The following PRKN variants were observed in gnomAD, a reference collection of about 807,000 sequenced individuals.
PRKN encodes parkin RBR E3 ubiquitin protein ligase, also known as E3 ubiquitin-protein ligase parkin.
PRKN carries 56 observed loss-of-function variants against 59.5 expected under a neutral mutation model. The ratio of observed to expected loss-of-function variants is 0.94; its 90% CI spans 0.76 to 1.18. PRKN has a LOEUF of 1.18. Ranked by LOEUF, PRKN falls within the 50% of genes most tolerant of loss-of-function variation. The probability of loss-of-function intolerance (pLI) is 0.00; values close to 1 mark genes in which losing one functional copy is unlikely to be tolerated. For missense variants in PRKN, 657 were observed against 596.4 expected (o/e 1.10, Z -1.06); for synonymous variants, 250 against 222.1 (o/e 1.13, Z -1.12).
At chr6:162,376,778 AG>A (rs1351968150) in intron 2 of PRKN, among the ~76,000 whole-genome samples, 9 of 57,278 alleles carry the variant, frequency 1.6e-4, no homozygotes, top group Non-Finnish European at 2.7e-4. Context: ...AGGGAGGGGG[AG>A]GGGGAGGGGA....
intron 2 of PRKN, among the ~76,000 whole-genome samples, chr6:162,299,641 A>G (rs1194978295): frequency 6.6e-6 from 1 of 151,358 alleles, no homozygotes; most frequent in African/African-American, 2.4e-5. Context: ...CTTTATATAT[A>G]TATGTATTTA....
intron 5 of PRKN, among the ~76,000 whole-genome samples, chr6:161,985,693 G>C (rs546423693): frequency 1.3e-5 from 2 of 152,240 alleles, no homozygotes; most frequent in African/African-American, 4.8e-5. Flanking sequence ...TCACTGTCTG[G>C]GTTAATTATC....
intron 1 of PRKN, among the ~76,000 whole-genome samples, chr6:162,639,045 G>A (rs2078873652): frequency 6.6e-6 from 1 of 152,064 alleles, no homozygotes; most frequent in African/African-American, 2.4e-5. Flanking sequence ...CACTATACGA[G>A]CTAGGTCAAG....
At chr6:161,513,263 T>TG (rs948351544) in intron 9 of PRKN, among the ~76,000 whole-genome samples, 15 of 152,160 alleles carry the variant, frequency 9.9e-5, no homozygotes, top group Admixed American at 2.0e-4. Context: ...TTTTTTGAGA[T>TG]GGGGTCTCGC....
chr6:162,307,527 G>A (rs1051532710), intron 2 of PRKN, among the ~76,000 whole-genome samples: 2 of 151,860 alleles, frequency 1.3e-5, no homozygotes, highest in African/African-American at 4.8e-5. Flanking sequence ...AAATGAAACT[G>A]GAAGTGGAAA....
chr6:161,558,096 T>C (rs1029026602), intron 8 of PRKN, among the ~76,000 whole-genome samples: 1 of 152,172 alleles, frequency 6.6e-6, no homozygotes, highest in African/African-American at 2.4e-5. Flanking sequence ...GTTAATTCTC[T>C]GTCCACTCTG....
intron 4 of PRKN, among the ~76,000 whole-genome samples, chr6:162,090,682 C>T (rs1302638611): frequency 1.3e-5 from 2 of 151,902 alleles, no homozygotes; most frequent in Non-Finnish European, 2.9e-5. Context: ...ACTAAAGAGC[C>T]GTGATAACTT....
chr6:162,212,881 C>G (rs1006955522), intron 3 of PRKN, among the ~76,000 whole-genome samples: 1 of 152,056 alleles, frequency 6.6e-6, no homozygotes. Flanking sequence ...ATTTGTATAC[C>G]TAAACATATC....
At position 161,360,231 on chromosome 6, in the gene PRKN, T is replaced by C. The variant is rs1784923568; in HGVS notation, c.1168-26A>G. ...CTGGGGAAACAAAGAGGAAAGGCGT[T>C]TAATCTCAGCTTTCTATTACTGGGA... is the stretch of plus-strand genomic sequence containing the variant. On this transcript the variant is annotated intron_variant, in intron 10 of 11. Coordinates refer to ENST00000366898, the MANE Select transcript of PRKN (RefSeq NM_004562.3). This position sits in a 1 kb window ranked among gnomAD's most constrained non-coding sequence, Gnocchi z 5.1. The C allele has an allele frequency of 6.5e-7, 1 of 1,526,910 alleles. No homozygotes were observed. Among genetic ancestry groups the C allele is most frequent in the African/African-American group, 1.4e-5 (1 of 73,386 alleles). The allele number at this position is 1,526,910 out of a possible 1,614,324, so 94.6% of individuals were successfully genotyped here. A position where few individuals can be genotyped will look rare whatever the true frequency, so the allele number is the denominator to read the frequency against.
At chr6:162,272,999 GAAAA>G (rs548215878) in intron 2 of PRKN, among the ~76,000 whole-genome samples, 1 of 55,022 alleles carries the variant, frequency 1.8e-5, no homozygotes, top group Non-Finnish European at 3.6e-5. Flanking sequence ...GCCTGTGTCT[GAAAA>G]AAAAAAAAAA....
At chr6:162,181,763 T>C (rs1272926119) in intron 4 of PRKN, among the ~76,000 whole-genome samples, 1 of 152,158 alleles carries the variant, frequency 6.6e-6, no homozygotes, top group Non-Finnish European at 1.5e-5. Context: ...TATTCCATCA[T>C]TGCTTGTCAG....
intron 4 of PRKN, among the ~76,000 whole-genome samples, chr6:162,139,958 T>C (rs957554794): frequency 2.0e-5 from 3 of 151,942 alleles, no homozygotes; most frequent in Admixed American, 6.6e-5. Context: ...AATGTCCAAA[T>C]ATAGGAAAGT....
chr6:161,684,449 T>G (rs1389639498), intron 7 of PRKN, among the ~76,000 whole-genome samples: 1 of 152,136 alleles, frequency 6.6e-6, no homozygotes, highest in East Asian at 1.9e-4. Flanking sequence ...TGCCCACTAT[T>G]CAGCCTTTCT....
rs895381632 is a variant in PRKN at position 161,833,564 on chromosome 6, G to A, written c.735-47656C>T. ...CTTCCTTATCTCTCTTCATTGGTGC[G>A]AACAATACCTGAGCTCTCCCTCACA... On this transcript the variant is annotated intron_variant, in intron 6 of 11. Transcript: ENST00000366898. 2.0e-5 allele frequency among the ~76,000 whole-genome samples: 3 copies of A among 151,938 alleles called. No homozygotes were observed. The South Asian group carries it at 6.2e-4, about 32-fold the overall frequency.
chr6:161,804,118 G>A (rs747675060), intron 6 of PRKN, among the ~76,000 whole-genome samples: 71 of 152,192 alleles, frequency 4.7e-4, no homozygotes, highest in Non-Finnish European at 7.2e-4. Flanking sequence ...GTCAATGAAG[G>A]TCATTATTGG....
intron 7 of PRKN, among the ~76,000 whole-genome samples, chr6:161,767,820 A>G (rs2128201078): frequency 6.6e-6 from 1 of 152,208 alleles, no homozygotes; most frequent in Admixed American, 6.5e-5. Flanking sequence ...TCTTCCGGAC[A>G]CTGCATCAGG....
At chr6:161,735,636 G>A (rs962967244) in intron 7 of PRKN, among the ~76,000 whole-genome samples, 14 of 152,070 alleles carry the variant, frequency 9.2e-5, no homozygotes, top group African/African-American at 3.4e-4. Context: ...AGACTGTAAG[G>A]CCAGGCATGG....
chr6:161,852,983 C>T (rs1226989499), intron 6 of PRKN, among the ~76,000 whole-genome samples: 1 of 152,118 alleles, frequency 6.6e-6, no homozygotes, highest in African/African-American at 2.4e-5. Flanking sequence ...ACACACACAC[C>T]ATGGCCTGTT....
At chr6:162,209,137 C>T (rs186185237) in intron 3 of PRKN, among the ~76,000 whole-genome samples, 145 of 152,188 alleles carry the variant, frequency 9.5e-4, no homozygotes, top group African/African-American at 3.2e-3. Context: ...ACAGCAGAAA[C>T]TATCATCAGA....
Sources: gnomAD v4.1 joint callset for allele counts (sites outside exome capture counted in the v4.1 genomes callset) on GRCh38, gnomAD v4.1.1 for gene constraint, Gnocchi (gnomAD v3.1) non-coding constraint, MANE v1.5 for transcripts, NCBI Gene and HGNC (gene_info 2026-07-23, HGNC 2026-07-21) for gene names.